The following MYO16 variants were observed in gnomAD, a reference collection of about 807,000 sequenced individuals.
The protein encoded by MYO16 is myosin XVI.
In MYO16, 94 loss-of-function variants were observed where a neutral mutation model predicts 205.3. The observed-to-expected ratio is 0.46, with a 90% CI of 0.39 to 0.54. MYO16 has a LOEUF of 0.54. MYO16 is among the 20% of genes least tolerant of loss of function. The probability of loss-of-function intolerance (pLI) is 0.00; values close to 1 mark genes in which losing one functional copy is unlikely to be tolerated. For synonymous variants in MYO16, 988 were observed against 954.0 expected (o/e 1.04, Z -0.66); for missense variants, 2,315 against 2,387.5 (o/e 0.97, Z 0.63).
intron 22 of MYO16, among the ~76,000 whole-genome samples, chr13:109,012,732 T>G (rs1300818141): frequency 6.6e-6 from 1 of 151,784 alleles, no homozygotes; most frequent in Non-Finnish European, 1.5e-5. Context: ...TAAGCAGCCT[T>G]TGCTCTCAGA....
At chr13:108,622,488 T>A (rs942202152) in intron 1 of MYO16, among the ~76,000 whole-genome samples, 2 of 152,162 alleles carry the variant, frequency 1.3e-5, no homozygotes, top group Non-Finnish European at 2.9e-5. Context: ...AGGGAAAGGA[T>A]GTCCCAGTCT....
At chr13:108,759,223 T>C (rs1045049776) in intron 4 of MYO16, among the ~76,000 whole-genome samples, 12 of 152,202 alleles carry the variant, frequency 7.9e-5, no homozygotes, top group African/African-American at 2.7e-4. Context: ...ACTGTATAAC[T>C]AGAGCAGATG....
intron 1 of MYO16, among the ~76,000 whole-genome samples, chr13:108,618,648 G>A (rs971613192): frequency 2.0e-5 from 3 of 152,144 alleles, no homozygotes; most frequent in African/African-American, 7.2e-5. Flanking sequence ...GGCAGTGACT[G>A]CCCCTTATTT....
intron 20 of MYO16, among the ~76,000 whole-genome samples, chr13:108,992,140 C>T (rs911577529): frequency 2.6e-5 from 4 of 151,952 alleles, no homozygotes; most frequent in East Asian, 1.9e-4. Context: ...ATTTACAAGA[C>T]GATGTGTTTT....
chr13:108,751,423 A>G (rs977982197), intron 4 of MYO16, among the ~76,000 whole-genome samples: 4 of 152,222 alleles, frequency 2.6e-5, no homozygotes, highest in Non-Finnish European at 4.4e-5. Context: ...TTACTTAAAT[A>G]TGAAATAAAT....
intron 34 of MYO16, among the ~76,000 whole-genome samples, chr13:109,199,532 G>A (rs985300002): frequency 1.3e-5 from 2 of 152,040 alleles, no homozygotes; most frequent in Non-Finnish European, 2.9e-5. Context: ...ATCTGAAGTG[G>A]TGATATGGGG....
At chr13:109,098,481 G>A (rs1888847760) in intron 27 of MYO16, among the ~76,000 whole-genome samples, 2 of 152,176 alleles carry the variant, frequency 1.3e-5, no homozygotes, top group Admixed American at 6.5e-5. Context: ...GAATATGGTG[G>A]ATGAGGCAAA....
intron 27 of MYO16, among the ~76,000 whole-genome samples, chr13:109,058,881 G>C (rs1239076109): frequency 6.6e-6 from 1 of 152,124 alleles, no homozygotes; most frequent in East Asian, 1.9e-4. Flanking sequence ...TATCAACTGA[G>C]TTTATGGAAT....
At chr13:109,096,741 T>G (rs1187562689) in intron 27 of MYO16, among the ~76,000 whole-genome samples, 1 of 110,888 alleles carries the variant, frequency 9.0e-6, no homozygotes, top group Non-Finnish European at 2.0e-5. Flanking sequence ...GATGTCCCCT[T>G]ACTCTGGGCG....
At chr13:108,666,180 T>G in intron 2 of MYO16, 31 bp downstream of exon 2, 2 of 1,557,628 alleles carry the variant, frequency 1.3e-6, no homozygotes, top group South Asian at 2.3e-5. Context: ...ACCCGTTTTC[T>G]GATGTGATTT....
chr13:108,671,671 A>G (rs1881993313), intron 2 of MYO16, among the ~76,000 whole-genome samples: 1 of 152,316 alleles, frequency 6.6e-6, no homozygotes, highest in South Asian at 2.1e-4. Context: ...TCAGTCTGCT[A>G]TATCAAAATA....
At chr13:108,537,517 T>C in the MYO16 span, among the ~76,000 whole-genome samples, 14 of 152,124 alleles carry the variant, frequency 9.2e-5, no homozygotes, top group African/African-American at 3.1e-4. Flanking sequence ...AGACATCCAA[T>C]AGAAGGATTA....
chr13:108,783,831 T>C (rs1012200320), intron 4 of MYO16, among the ~76,000 whole-genome samples: 1 of 152,174 alleles, frequency 6.6e-6, no homozygotes, highest in Non-Finnish European at 1.5e-5. Context: ...CCTCCTGCCA[T>C]GATTCTGAGG....
At chr13:108,933,131 T>C (rs141443006) in intron 16 of MYO16, among the ~76,000 whole-genome samples, 83 of 152,158 alleles carry the variant, frequency 5.5e-4, no homozygotes, top group Middle Eastern at 3.4e-3. Context: ...AAAGAAAGAG[T>C]ATACCAAGGC....
At chr13:108,511,155 T>C in the MYO16 span, among the ~76,000 whole-genome samples, 31 of 99,006 alleles carry the variant, frequency 3.1e-4, 2 homozygotes, top group Non-Finnish European at 1.4e-4. Flanking sequence ...GACTTTTTAA[T>C]GATTGCCATT....
chr13:108,939,384 G>C (rs1269677137), intron 16 of MYO16, among the ~76,000 whole-genome samples: 1 of 152,210 alleles, frequency 6.6e-6, no homozygotes, highest in African/African-American at 2.4e-5. Flanking sequence ...CCTCTCTCAT[G>C]CACTGGGGCT....
chr13:108,768,551 AG>A, intron 4 of MYO16, among the ~76,000 whole-genome samples: 1 of 152,332 alleles, frequency 6.6e-6, no homozygotes, highest in Non-Finnish European at 1.5e-5. Context: ...ATATTTGAAA[AG>A]ATCTTAAACT....
At chr13:108,805,586 C>G (rs1887088872) in intron 6 of MYO16, among the ~76,000 whole-genome samples, 1 of 151,462 alleles carries the variant, frequency 6.6e-6, no homozygotes, top group African/African-American at 2.4e-5. Flanking sequence ...GTTTCTTCTT[C>G]CTAATTCTTA....
chr13:108,758,721 G>A (rs1290874963), intron 4 of MYO16, among the ~76,000 whole-genome samples: 1 of 152,128 alleles, frequency 6.6e-6, no homozygotes, highest in Non-Finnish European at 1.5e-5. Context: ...TTTGTTAATA[G>A]ATCAAGCTCC....
Sources: allele counts gnomAD v4.1 joint callset (sites outside exome capture counted in the v4.1 genomes callset), GRCh38; gene constraint gnomAD v4.1.1; transcripts MANE v1.5; gene names NCBI Gene and HGNC (gene_info 2026-07-23, HGNC 2026-07-21).